ERBB4: variants seen among roughly 807,000 people sequenced by gnomAD.
ERBB4 encodes receptor tyrosine-protein kinase erbB-4.
In ERBB4, 42 loss-of-function variants were observed where a neutral mutation model predicts 158.0. The ratio of observed to expected loss-of-function variants is 0.27; its 90% CI spans 0.21 to 0.34. The LOEUF (loss-of-function observed/expected upper bound fraction) is 0.34. ERBB4 is among the 10% of genes least tolerant of loss of function. ERBB4 has a pLI of 1.00. For synonymous variants in ERBB4, 583 were observed against 558.7 expected, an observed-to-expected ratio of 1.04 and a Z score of -0.61; for missense variants, 1,333 against 1,624.1, an observed-to-expected ratio of 0.82 and a Z score of 3.08.
intron 2 of ERBB4, among the ~76,000 whole-genome samples, chr2:211,969,431 G>T (rs1414257625): frequency 6.6e-6 from 1 of 151,974 alleles, no homozygotes; most frequent in Non-Finnish European, 1.5e-5. Context: ...ATTGTATAGT[G>T]AACTACATAT....
At chr2:211,900,626 TATTC>T (rs1281968103) in intron 3 of ERBB4, among the ~76,000 whole-genome samples, 1 of 152,182 alleles carries the variant, frequency 6.6e-6, no homozygotes, top group Non-Finnish European at 1.5e-5. Flanking sequence ...CTTTTTTGAT[TATTC>T]ATTATGAGAG....
At chr2:211,606,225 C>A (rs1156488725) in intron 19 of ERBB4, among the ~76,000 whole-genome samples, 1 of 151,954 alleles carries the variant, frequency 6.6e-6, no homozygotes, top group Non-Finnish European at 1.5e-5. Context: ...GTTAGAAAAC[C>A]CTGCTAGCGG....
chr2:211,506,903 A>C (rs1186510876), intron 20 of ERBB4, among the ~76,000 whole-genome samples: 2 of 152,112 alleles, frequency 1.3e-5, no homozygotes, highest in African/African-American at 4.8e-5. Context: ...GACCAAAAAA[A>C]TCAATACAAG....
chr2:211,573,562 C>T (rs1411927965), intron 19 of ERBB4, among the ~76,000 whole-genome samples: 2 of 151,978 alleles, frequency 1.3e-5, no homozygotes, highest in Non-Finnish European at 2.9e-5. Flanking sequence ...CCCAGCTACC[C>T]GGGAGGCTGA....
intron 3 of ERBB4, among the ~76,000 whole-genome samples, chr2:211,799,920 T>TA (rs1382624883): frequency 2.6e-5 from 4 of 152,338 alleles, no homozygotes; most frequent in African/African-American, 9.6e-5. Flanking sequence ...TAGGCCACGT[T>TA]AAAATTCATG....
intron 20 of ERBB4, among the ~76,000 whole-genome samples, chr2:211,485,296 A>G (rs538909949): frequency 6.6e-6 from 1 of 152,332 alleles, no homozygotes; most frequent in African/African-American, 2.4e-5. Context: ...TAATGTAAAC[A>G]TAAAGTCAAG....
chr2:212,223,340 A>G (rs1343705681), intron 1 of ERBB4, among the ~76,000 whole-genome samples: 1 of 147,286 alleles, frequency 6.8e-6, no homozygotes, highest in African/African-American at 2.5e-5. Flanking sequence ...GCTTATATAT[A>G]TATATATATA....
At chr2:211,393,262 A>G (rs893553981) in intron 25 of ERBB4, among the ~76,000 whole-genome samples, 1 of 152,184 alleles carries the variant, frequency 6.6e-6, no homozygotes, top group Non-Finnish European at 1.5e-5. Flanking sequence ...TACCTACCCT[A>G]TACCATGGAC....
chr2:211,774,688 T>C (rs1406876524), intron 4 of ERBB4, among the ~76,000 whole-genome samples: 2 of 151,704 alleles, frequency 1.3e-5, no homozygotes, highest in Non-Finnish European at 2.9e-5. Context: ...GTGTTTTTGG[T>C]AAACAGGCAA....
In ERBB4 at chr2:212,249,871, C is replaced by G. The variant is rs114542547; in HGVS notation, c.83-124968G>C. 6.1e-3 allele frequency among the ~76,000 whole-genome samples: 932 copies of G among 151,980 alleles called. 12 individuals carry two copies. Among genetic ancestry groups the G allele is most frequent in the African/African-American group, 0.022 (893 of 41,498 alleles). On this transcript the variant is annotated intron_variant, in intron 1 of 27. Transcript: ENST00000342788. ...TTATTTATGGCAAATCAAATACTGA[C>G]TTATGTATATGAATATAGTAAAGAA...
chr2:212,408,691 G>A (rs1010548891), intron 1 of ERBB4, among the ~76,000 whole-genome samples: 4 of 151,990 alleles, frequency 2.6e-5, no homozygotes, highest in Non-Finnish European at 5.9e-5. Context: ...CACCACCACC[G>A]CCCTCTTAAC....
At chr2:212,030,127 CTCA>C (rs1282404169) in intron 2 of ERBB4, among the ~76,000 whole-genome samples, 1 of 152,152 alleles carries the variant, frequency 6.6e-6, no homozygotes, top group Non-Finnish European at 1.5e-5. Context: ...ATTTGATTTG[CTCA>C]TCATTTCATA....
intron 25 of ERBB4, among the ~76,000 whole-genome samples, chr2:211,408,579 A>G (rs1164365105): frequency 6.6e-6 from 1 of 152,210 alleles, no homozygotes; most frequent in Admixed American, 6.5e-5. Context: ...TAAGACACGC[A>G]TTGTCTTAGT....
intron 2 of ERBB4, among the ~76,000 whole-genome samples, chr2:212,062,895 T>C (rs1347842551): frequency 1.3e-5 from 2 of 152,132 alleles, no homozygotes; most frequent in Non-Finnish European, 2.9e-5. Context: ...CTGAGCAAGT[T>C]AAATATCTTA....
chr2:212,483,674 G>GCCT (rs1369025514), intron 1 of ERBB4, among the ~76,000 whole-genome samples: 4 of 149,430 alleles, frequency 2.7e-5, no homozygotes, highest in African/African-American at 9.7e-5. Flanking sequence ...CTTTCAAGAA[G>GCCT]CCTCACCCAT....
chr2:212,430,074 T>C (rs769780720), intron 1 of ERBB4, among the ~76,000 whole-genome samples: 6 of 152,160 alleles, frequency 3.9e-5, no homozygotes, highest in African/African-American at 7.2e-5. Flanking sequence ...TAATCCACTT[T>C]CCTAAAATGC....
At chr2:211,948,246 C>G (rs892773256) in intron 2 of ERBB4, among the ~76,000 whole-genome samples, 7 of 151,770 alleles carry the variant, frequency 4.6e-5, no homozygotes, top group African/African-American at 1.7e-4. Flanking sequence ...ACCATTCTGG[C>G]CAACATGGTG....
intron 25 of ERBB4, among the ~76,000 whole-genome samples, chr2:211,416,654 G>C (rs564929221): frequency 1.8e-4 from 28 of 152,274 alleles, no homozygotes; most frequent in Non-Finnish European, 3.5e-4. Context: ...GACCAGAATT[G>C]ATTAATAACT....
chr2:211,668,068 T>C (rs982954341), intron 14 of ERBB4, among the ~76,000 whole-genome samples: 1 of 152,182 alleles, frequency 6.6e-6, no homozygotes, highest in Non-Finnish European at 1.5e-5. Context: ...GCTCCTGGAC[T>C]ACAAACTGCA....
Sources: gnomAD v4.1 joint callset for allele counts (sites outside exome capture counted in the v4.1 genomes callset) on GRCh38, gnomAD v4.1.1 for gene constraint, MANE v1.5 for transcripts, NCBI Gene and HGNC (gene_info 2026-07-23, HGNC 2026-07-21) for gene names.